SAR1A: variants seen among roughly 807,000 people sequenced by gnomAD.
The protein encoded by SAR1A is small COPII coat GTPase SAR1A.
In SAR1A, 6 loss-of-function variants were observed where a neutral mutation model predicts 22.6. That is an observed-to-expected ratio of 0.27 (90% CI 0.15 to 0.52). The LOEUF is 0.52. SAR1A is among the 20% of genes least tolerant of loss of function. The pLI, the probability that SAR1A is intolerant of heterozygous loss-of-function variation, is 0.96. For missense variants in SAR1A, 145 were observed against 245.1 expected, an observed-to-expected ratio of 0.59 and a Z score of 2.73; for synonymous variants, 70 against 82.2, an observed-to-expected ratio of 0.85 and a Z score of 0.80.
At position 70,153,866 on chromosome 10, in the gene SAR1A, A is replaced by T; in HGVS notation, c.452T>A (p.Phe151Tyr). 1 of 1,605,442 alleles carries T rather than the reference A, an allele frequency of 6.2e-7. No homozygotes were observed. The highest frequency in any genetic ancestry group is 2.2e-5 in the East Asian group (1 of 44,574). Residue 151 changes from phenylalanine to tyrosine, a missense_variant, in exon 6 of 7, where the codon TTT (phenylalanine) becomes TAT (tyrosine). By Grantham distance (22) the Phe-to-Tyr change is conservative (BLOSUM62 3). This residue lies in a region of SAR1A where 83 missense variants were observed against 114.7 expected (regional missense o/e 0.72). Transcript: ENST00000373241. ...AISEEKLREI[F>Y]GLYGQTTGKG... ...TCCTGTGGTCTGTCCATAAAGCCCAAATATCTCACGGAGTTTTTCTTCACT... is the reference window on the plus strand; with the variant it reads ...TCCTGTGGTCTGTCCATAAAGCCCATATATCTCACGGAGTTTTTCTTCACT...
chr10:70,165,013 A>T (rs1839528029), intron 1 of SAR1A, among the ~76,000 whole-genome samples: 1 of 152,198 alleles, frequency 6.6e-6, no homozygotes, highest in Non-Finnish European at 1.5e-5. Context: ...TTTAAGAAAT[A>T]TATTTCCTTT....
rs1839331521 is a variant in SAR1A at position 70,151,986 on chromosome 10, C to G, written c.*490G>C. Reference sequence around the variant, plus strand: ...AGGAGTAAGTTTACCCAAATGAGCTCTGGCCTCCATATCTGTTCATAATTT... The same window carrying G: ...AGGAGTAAGTTTACCCAAATGAGCTGTGGCCTCCATATCTGTTCATAATTT... On this transcript the variant is annotated 3_prime_UTR_variant, in exon 7 of 7. Transcript: ENST00000373241. 5.6e-6 allele frequency: 1 copy of G among 177,268 alleles called. No individual in the cohort carries two copies. The highest frequency in any genetic ancestry group is 1.6e-4 in the East Asian group (1 of 6,336). 11.0% of individuals were successfully genotyped at this position (177,268 alleles called of 1,614,324 possible).
intron 4 of SAR1A, 58 bp from the exon 5 acceptor site, chr10:70,157,925 A>C: frequency 8.7e-7 from 1 of 1,144,790 alleles, no homozygotes; most frequent in Admixed American, 1.8e-5. Context: ...AAAATGAATA[A>C]CCTAATGGTC....
chr10:70,154,179 C>G (rs10999162), intron 5 of SAR1A, among the ~76,000 whole-genome samples: 6,974 of 152,244 alleles, frequency 0.046, 274 homozygotes, highest in African/African-American at 0.11. Context: ...TCCTAAGTGC[C>G]TCGAAACAGT....
chr10:70,151,928 G>A lies in SAR1A; in HGVS notation c.*548C>T, dbSNP rs1264170431. The A allele has an allele frequency of 1.8e-5, 3 of 165,510 alleles. No homozygotes were observed. The highest frequency in any genetic ancestry group is 2.6e-5 in the Non-Finnish European group (2 of 76,210). The allele number at this position is 165,510 out of a possible 1,614,324, so 10.3% of individuals were successfully genotyped here. A position where few individuals can be genotyped will look rare whatever the true frequency, so the allele number is the denominator to read the frequency against. ...GCAGTCAGAGAGACAGGTGAGCTCAGGGGAGCTTCTCTCACCAACCTGCTA... is the reference window on the plus strand; with the variant it reads ...GCAGTCAGAGAGACAGGTGAGCTCAAGGGAGCTTCTCTCACCAACCTGCTA... On this transcript the variant is annotated 3_prime_UTR_variant, in exon 7 of 7. Coordinates refer to ENST00000373241, the MANE Select transcript of SAR1A (RefSeq NM_020150.5).
At chr10:70,156,927 G>A (rs1426029446) in intron 5 of SAR1A, among the ~76,000 whole-genome samples, 4 of 152,142 alleles carry the variant, frequency 2.6e-5, no homozygotes, top group African/African-American at 9.7e-5. Context: ...AACTTGAAGT[G>A]AGTCCTTAAT....
rs1426205006 is a variant in SAR1A at position 70,161,929 on chromosome 10, T to A, written c.-14A>T. On this transcript the variant is annotated splice_region_variant and 5_prime_UTR_variant, in exon 2 of 7. Transcript: ENST00000373241. The stretch of plus-strand genomic sequence containing the variant: ...GATGAAAGACATTATTAATGCTTAC[T>A]ACCTGTATAAAATATGAAAGTAGCA... The A allele has an allele frequency of 1.9e-6, 3 of 1,602,330 alleles. No individual in the cohort carries two copies. The highest frequency in any genetic ancestry group is 2.6e-6 in the Non-Finnish European group (3 of 1,171,032).
intron 1 of SAR1A, chr10:70,166,716 G>A (rs1463379546): frequency 1.3e-5 from 2 of 151,516 alleles, no homozygotes; most frequent in African/African-American, 2.4e-5. Context: ...CCGGGCCCCC[G>A]TGGCTCACAC....
intron 1 of SAR1A, among the ~76,000 whole-genome samples, chr10:70,170,116 T>C (rs1230245564): frequency 6.6e-6 from 1 of 151,742 alleles, no homozygotes; most frequent in Admixed American, 6.6e-5. Flanking sequence ...CATGGAGCCA[T>C]TTCGTAAACC....
intron 5 of SAR1A, among the ~76,000 whole-genome samples, chr10:70,154,613 A>T (rs574028373): frequency 1.3e-5 from 2 of 151,650 alleles, no homozygotes; most frequent in East Asian, 3.9e-4. Flanking sequence ...ATGTGCTACC[A>T]CGCCTGGCTA....
chr10:70,165,738 T>G (rs1370091547), intron 1 of SAR1A, among the ~76,000 whole-genome samples: 1 of 152,124 alleles, frequency 6.6e-6, no homozygotes, highest in African/African-American at 2.4e-5. Context: ...CTTACTTGAG[T>G]TTACATAAAC....
chr10:70,162,115 G>A (rs559714824), intron 1 of SAR1A, among the ~76,000 whole-genome samples, 184 bp from the exon 2 acceptor site: 4 of 152,162 alleles, frequency 2.6e-5, no homozygotes, highest in South Asian at 2.1e-4. Context: ...CAAGGCAGGC[G>A]GATCACTTGA....
intron 1 of SAR1A, chr10:70,166,577 T>C (rs907436333): frequency 5.9e-5 from 9 of 152,228 alleles, no homozygotes; most frequent in African/African-American, 1.9e-4. Flanking sequence ...TCTCAATTTA[T>C]AAAAAGAAAT....
chr10:70,155,081 G>T, intron 5 of SAR1A: 1 of 526,874 alleles, frequency 1.9e-6, no homozygotes, highest in African/African-American at 1.9e-5. Flanking sequence ...GAGAAGAGAT[G>T]ACTCACATTA....
chr10:70,154,674 G>A (rs1220023556), intron 5 of SAR1A, among the ~76,000 whole-genome samples: 21 of 152,056 alleles, frequency 1.4e-4, no homozygotes, highest in Admixed American at 1.4e-3. Context: ...TGGCCAGGCT[G>A]GTCTCAAACT....
At chr10:70,155,683 CTTACCAGAAGCAGTCATAT>C (rs960559459) in intron 5 of SAR1A, among the ~76,000 whole-genome samples, 24 of 152,096 alleles carry the variant, frequency 1.6e-4, no homozygotes, top group African/African-American at 4.6e-4. Flanking sequence ...TCAAGGGAGG[CTTACCAGAAGCAGTCATAT>C]CTGAACTCTG....
rs1053590878 is a variant in SAR1A at position 70,147,926 on chromosome 10, T to C, written c.*4550A>G. 3 of 152,420 alleles carry C rather than the reference T, an allele frequency of 2.0e-5. No homozygotes were observed. The highest frequency in any genetic ancestry group is 1.3e-4 in the Admixed American group (2 of 15,314). The allele number at this position is 152,420 out of a possible 1,614,324, so 9.4% of individuals were successfully genotyped here. ...CGGAGTCTCGCTCTGTCGCCCAGGC[T>C]GGAGTGCAATGGTGCGATCTCCGCT... is the stretch of plus-strand genomic sequence containing the variant. On this transcript the variant is annotated 3_prime_UTR_variant, in exon 7 of 7. Transcript: ENST00000373241.
intron 1 of SAR1A, among the ~76,000 whole-genome samples, chr10:70,165,466 A>G (rs907656609): frequency 2.0e-5 from 3 of 152,026 alleles, no homozygotes; most frequent in African/African-American, 7.2e-5. Flanking sequence ...AGTGATTCCA[A>G]CCCTCGTGGA....
chr10:70,157,518 G>A (rs1471731654), intron 5 of SAR1A, among the ~76,000 whole-genome samples: 1 of 151,868 alleles, frequency 6.6e-6, no homozygotes, highest in East Asian at 1.9e-4. Flanking sequence ...GAGCAAACTT[G>A]GCCATATAAT....
Sources: allele counts gnomAD v4.1 joint callset (sites outside exome capture counted in the v4.1 genomes callset), GRCh38; gene constraint gnomAD v4.1.1; regional missense constraint gnomAD v4.1.1; transcripts MANE v1.5; gene names NCBI Gene and HGNC (gene_info 2026-07-23, HGNC 2026-07-21).